The following EML6 variants were observed in gnomAD, a reference collection of about 807,000 sequenced individuals.
The protein encoded by EML6 is echinoderm microtubule-associated protein-like 6.
Under a neutral mutation model 240.1 loss-of-function variants are expected in EML6, and 154 were observed. The observed-to-expected ratio is 0.64, with a 90% CI of 0.56 to 0.73. The LOEUF is 0.73. Ranked by LOEUF, EML6 falls within the 30% of genes least tolerant of loss-of-function variation. The pLI, the probability that EML6 is intolerant of heterozygous loss-of-function variation, is 0.00. For missense variants in EML6, 2,964 were observed against 2,474.6 expected (o/e 1.20, Z -4.20); for synonymous variants, 1,148 against 899.0 (o/e 1.28, Z -4.95).
At chr2:54,896,517 G>C (rs1021169438) in intron 21 of EML6, among the ~76,000 whole-genome samples, 1 of 152,188 alleles carries the variant, frequency 6.6e-6, no homozygotes, top group Non-Finnish European at 1.5e-5. Context: ...GTGGAGGTGC[G>C]TTAGGTAGTC....
chr2:54,764,447 T>A (rs1379937734), intron 2 of EML6, among the ~76,000 whole-genome samples: 1 of 152,102 alleles, frequency 6.6e-6, no homozygotes, highest in Non-Finnish European at 1.5e-5. Context: ...TCCCTATTGC[T>A]CGTGAAACCT....
chr2:54,863,727 C>A, intron 12 of EML6, 56 bp from the exon 13 acceptor site: 1 of 816,966 alleles, frequency 1.2e-6, no homozygotes, highest in Non-Finnish European at 2.0e-6. Context: ...TAGATAATTT[C>A]AGTTGCTCAG....
rs147852134 is a variant in EML6 at position 54,823,850 on chromosome 2, T to TTCTCTCTCTCTCTCTCTCTCTC, written c.525+3394_525+3415dup. Among the ~76,000 whole-genome samples the TTCTCTCTCTCTCTCTCTCTCTC allele has an allele frequency of 2.5e-3, 183 of 72,254 alleles. 4 individuals carry two copies. The highest frequency in any genetic ancestry group is 0.011 in the South Asian group (24 of 2,122). 47.4% of individuals were successfully genotyped at this position (72,254 alleles called of 152,430 possible). A position where few individuals can be genotyped will look rare whatever the true frequency, so the allele number is the denominator to read the frequency against. Reference sequence around the variant, plus strand: ...GGCTGAATTAATATTCATTCATTCATTCTCTCTCTCTCTCTCTCTCTCTCT... The same window carrying TTCTCTCTCTCTCTCTCTCTCTC: ...GGCTGAATTAATATTCATTCATTCATTCTCTCTCTCTCTCTCTCTCTCTCTCTCTCTCTCTCTCTCTCTCTCT... On this transcript the variant is annotated intron_variant, in intron 5 of 41. Coordinates refer to ENST00000356458, the MANE Select transcript of EML6 (RefSeq NM_001039753.4).
chr2:54,957,200 AATTTT>A (rs1259343920), intron 32 of EML6, among the ~76,000 whole-genome samples: 1 of 152,174 alleles, frequency 6.6e-6, no homozygotes, highest in Non-Finnish European at 1.5e-5. Context: ...GTAGAGTTGG[AATTTT>A]ATTAAGACAA....
intron 6 of EML6, 46 bp downstream of exon 6, chr2:54,827,797 G>A (rs762816931): frequency 1.5e-6 from 2 of 1,360,752 alleles, no homozygotes; most frequent in Non-Finnish European, 1.0e-6. Flanking sequence ...ACCAAATAAG[G>A]TAAGACCACG....
chr2:54,763,774 C>T (rs796826219), intron 2 of EML6, among the ~76,000 whole-genome samples: 96 of 152,264 alleles, frequency 6.3e-4, no homozygotes, highest in African/African-American at 2.3e-3. Flanking sequence ...TTCAGCAGGC[C>T]TGGCAGGGTA....
chr2:54,847,704 G>A (rs1558607674), intron 9 of EML6, 81 bp downstream of exon 9: 3 of 1,441,492 alleles, frequency 2.1e-6, no homozygotes, highest in African/African-American at 1.4e-5. Context: ...ATACATGCTA[G>A]GACCTTAGGA....
chr2:54,928,161 T>C (rs1409832381), intron 26 of EML6, among the ~76,000 whole-genome samples, 152 bp from the exon 27 acceptor site: 1 of 152,238 alleles, frequency 6.6e-6, no homozygotes, highest in Non-Finnish European at 1.5e-5. Context: ...AGAGACCTAG[T>C]GCCTGCCCAC....
At chr2:54,740,189 T>C (rs1249985335) in intron 2 of EML6, among the ~76,000 whole-genome samples, 2 of 151,976 alleles carry the variant, frequency 1.3e-5, no homozygotes, top group Non-Finnish European at 2.9e-5. Flanking sequence ...AGTTTCAGTG[T>C]ATGTGTAGGA....
rs912008006 is a variant in EML6, at chr2:54,957,682, C to T, written c.4487-108C>T. ...GGGGAGAGAGTGCTGTAAAGAAGAA[C>T]TGAGGCATGGCTTACGCCTGCTGGG... On this transcript the variant is annotated intron_variant, in intron 32 of 41. Coordinates refer to ENST00000356458, the MANE Select transcript of EML6 (RefSeq NM_001039753.4). The T allele has an allele frequency of 4.2e-6, 4 of 942,844 alleles. No homozygotes were observed. In the East Asian group the frequency reaches 1.0e-4, roughly 25 times the overall value. The allele number at this position is 942,844 out of a possible 1,614,324, so 58.4% of individuals were successfully genotyped here. A position where few individuals can be genotyped will look rare whatever the true frequency, so the allele number is the denominator to read the frequency against.
intron 2 of EML6, among the ~76,000 whole-genome samples, chr2:54,783,910 T>C (rs1181511924): frequency 6.6e-6 from 1 of 152,180 alleles, no homozygotes; most frequent in African/African-American, 2.4e-5. Flanking sequence ...TATCTGCACA[T>C]TAGTGTATTA....
At chr2:54,945,934 AG>A (rs914949683) in intron 28 of EML6, among the ~76,000 whole-genome samples, 2 of 152,138 alleles carry the variant, frequency 1.3e-5, no homozygotes, top group African/African-American at 4.8e-5. Context: ...CTGTTTCCAC[AG>A]GGGGTACAGG....
intron 17 of EML6, 118 bp from the exon 18 acceptor site, chr2:54,890,936 T>A: frequency 4.2e-6 from 2 of 475,892 alleles, no homozygotes; most frequent in African/African-American, 1.9e-5. Context: ...TTTTAAACCA[T>A]TTTCTAATTT....
chr2:54,862,166 C>T (rs973626195), intron 12 of EML6, among the ~76,000 whole-genome samples: 1 of 151,540 alleles, frequency 6.6e-6, no homozygotes, highest in South Asian at 2.1e-4. Flanking sequence ...GTGAAACACC[C>T]TGTCTCTACT....
At chr2:54,876,217 C>T (rs575486599) in intron 16 of EML6, among the ~76,000 whole-genome samples, 77 of 152,248 alleles carry the variant, frequency 5.1e-4, no homozygotes, top group African/African-American at 1.8e-3. Context: ...AAAGCTAAGA[C>T]CACGGCTTAC....
chr2:54,907,821 G>T (rs1404780083), intron 24 of EML6, among the ~76,000 whole-genome samples: 3 of 152,164 alleles, frequency 2.0e-5, no homozygotes, highest in African/African-American at 7.2e-5. Context: ...AATGCAAACA[G>T]AGTTTTTGTT....
At chr2:54,761,660 G>T (rs991169108) in intron 2 of EML6, among the ~76,000 whole-genome samples, 1 of 152,056 alleles carries the variant, frequency 6.6e-6, no homozygotes, top group East Asian at 1.9e-4. Flanking sequence ...TTATGATATG[G>T]AAATGTTTAA....
chr2:54,952,752 A>G lies in EML6; in HGVS notation c.4312+60A>G. 4 of 1,156,556 alleles carry G rather than the reference A, an allele frequency of 3.5e-6. No individual in the cohort carries two copies. The South Asian group carries it at 4.0e-5, about 12-fold the overall frequency. 71.6% of individuals were successfully genotyped at this position (1,156,556 alleles called of 1,614,324 possible). On this transcript the variant is annotated intron_variant, in intron 31 of 41. Transcript: ENST00000356458. The stretch of plus-strand genomic sequence containing the variant: ...CTTGCAGGGACGCTGACCTGTCAGC[A>G]ATTATTGGGAGAGGGAGTGGGTGGG...
intron 6 of EML6, among the ~76,000 whole-genome samples, chr2:54,828,305 G>T (rs1236707301): frequency 2.0e-5 from 3 of 152,108 alleles, no homozygotes; most frequent in African/African-American, 7.2e-5. Context: ...ATCTTCTGAT[G>T]GTCTGCTCAG....
Sources: gnomAD v4.1 joint callset for allele counts (sites outside exome capture counted in the v4.1 genomes callset) on GRCh38, gnomAD v4.1.1 for gene constraint, MANE v1.5 for transcripts, NCBI Gene and HGNC (gene_info 2026-07-23, HGNC 2026-07-21) for gene names.